GLRB: variants seen among roughly 807,000 people sequenced by gnomAD.
The protein encoded by GLRB is glycine receptor beta.
Under a neutral mutation model 54.2 loss-of-function variants are expected in GLRB, and 33 were observed. That is an observed-to-expected ratio of 0.61 (90% CI 0.46 to 0.81). The LOEUF is 0.81. GLRB is among the 40% of genes least tolerant of loss of function. GLRB has a pLI of 0.00. For missense variants in GLRB, 572 were observed against 584.6 expected, an observed-to-expected ratio of 0.98 and a Z score of 0.22; for synonymous variants, 209 against 208.2, an observed-to-expected ratio of 1.00 and a Z score of -0.03.
intron 7 of GLRB, among the ~76,000 whole-genome samples, chr4:157,141,197 AT>A (rs1560965653): frequency 6.6e-6 from 1 of 151,958 alleles, no homozygotes; most frequent in East Asian, 1.9e-4. Flanking sequence ...ATTCACTGAA[AT>A]CTCATTAGCT....
chr4:157,115,137 T>G (rs558929438), intron 2 of GLRB, among the ~76,000 whole-genome samples: 1 of 152,028 alleles, frequency 6.6e-6, no homozygotes, highest in African/African-American at 2.4e-5. Flanking sequence ...ATTTTTATTT[T>G]GTACTATAAT....
intron 2 of GLRB, among the ~76,000 whole-genome samples, chr4:157,103,830 T>A (rs1443136372): frequency 6.6e-6 from 1 of 152,162 alleles, no homozygotes; most frequent in African/African-American, 2.4e-5. Flanking sequence ...TTTCCTAACT[T>A]CCTTTTCAGA....
intron 2 of GLRB, among the ~76,000 whole-genome samples, chr4:157,092,838 C>T (rs1734667741): frequency 6.6e-6 from 1 of 152,196 alleles, no homozygotes; most frequent in African/African-American, 2.4e-5. Context: ...TTGAAGCTAA[C>T]TCTTTAGTTG....
At chr4:157,079,736 A>G (rs1029914076) in intron 2 of GLRB, among the ~76,000 whole-genome samples, 3 of 152,174 alleles carry the variant, frequency 2.0e-5, no homozygotes, top group African/African-American at 4.8e-5. Flanking sequence ...TTTTTGTGCC[A>G]CAAGCTGGAG....
At position 157,162,028 on chromosome 4, in the gene GLRB, T is replaced by G. The variant is rs538914532; in HGVS notation, c.1198-8404T>G. Among the ~76,000 whole-genome samples, 6 of 152,330 alleles carry G rather than the reference T, an allele frequency of 3.9e-5. No individual in the cohort carries two copies. In the East Asian group the frequency reaches 1.2e-3, roughly 29 times the overall value. ...CATATTTCTTGGAGGCTTTGTTCAT[T>G]TGTTTTTACTCTTTTTTATCTAAAC... On this transcript the variant is annotated intron_variant, in intron 9 of 9. Coordinates refer to ENST00000264428, the MANE Select transcript of GLRB (RefSeq NM_000824.5).
At chr4:157,170,156 G>A (rs1016641474) in intron 9 of GLRB, among the ~76,000 whole-genome samples, 1 of 152,024 alleles carries the variant, frequency 6.6e-6, no homozygotes, top group Non-Finnish European at 1.5e-5. Context: ...AAGCCTGGTA[G>A]CACCTAAAAT....
chr4:157,079,588 T>C (rs1734154089), intron 2 of GLRB, among the ~76,000 whole-genome samples: 1 of 152,158 alleles, frequency 6.6e-6, no homozygotes, highest in African/African-American at 2.4e-5. Flanking sequence ...AATTTCTGGG[T>C]ATATGACACA....
intron 9 of GLRB, among the ~76,000 whole-genome samples, chr4:157,160,248 TG>T (rs1478053270): frequency 2.0e-5 from 3 of 148,692 alleles, no homozygotes; most frequent in Non-Finnish European, 2.9e-5. Context: ...GTCTTGCTAG[TG>T]GTCTATCGAT....
At chr4:157,117,891 T>A (rs1225164876) in intron 2 of GLRB, among the ~76,000 whole-genome samples, 3 of 151,694 alleles carry the variant, frequency 2.0e-5, no homozygotes, top group African/African-American at 7.3e-5. Flanking sequence ...AGCTACAAAA[T>A]CATTGCCAAA....
At chr4:157,146,309 C>A (rs938551250) in intron 8 of GLRB, among the ~76,000 whole-genome samples, 1 of 152,008 alleles carries the variant, frequency 6.6e-6, no homozygotes, top group Non-Finnish European at 1.5e-5. Flanking sequence ...GCCACTGCAC[C>A]GGGCCGATTT....
rs1735779569 is a variant in GLRB, at chr4:157,120,596, T to A, written c.163T>A (p.Ser55Thr). ...GGACCTTGCCCGAGTACCTGCCAACTCCACTAGCAATATCTTGAACAGGTT... is the reference window on the plus strand; with the variant it reads ...GGACCTTGCCCGAGTACCTGCCAACACCACTAGCAATATCTTGAACAGGTT... ...AEDLARVPAN[S>T]TSNILNRLLV... Residue 55 changes from serine (S) to threonine (T), a missense_variant, in exon 3 of 10, where the codon TCC (serine) becomes ACC (threonine). Transcript: ENST00000264428. 1 of 1,601,950 alleles carries A rather than the reference T, an allele frequency of 6.2e-7. No individual in the cohort carries two copies. Among genetic ancestry groups the A allele is most frequent in the African/African-American group, 1.3e-5 (1 of 74,342 alleles).
At chr4:157,112,564 T>A (rs920039401) in intron 2 of GLRB, among the ~76,000 whole-genome samples, 1 of 151,878 alleles carries the variant, frequency 6.6e-6, no homozygotes, top group Non-Finnish European at 1.5e-5. Context: ...AAAATTTGCA[T>A]GAAAAAAGGG....
At position 157,170,306 on chromosome 4, in the gene GLRB, G is replaced by C. The variant is rs978708697; in HGVS notation, c.1198-126G>C. 4.5e-5 allele frequency: 29 copies of C among 649,310 alleles called. No individual in the cohort carries two copies. In the East Asian group the frequency reaches 7.8e-4, roughly 18 times the overall value. 40.2% of individuals were successfully genotyped at this position (649,310 alleles called of 1,614,324 possible). ...GTTTAATCAGATAACCATTCTCTCT[G>C]TTAGTTCTTTGTGACATAAGCAAAT... is the stretch of plus-strand genomic sequence containing the variant. On this transcript the variant is annotated intron_variant, in intron 9 of 9. Coordinates refer to ENST00000264428, the MANE Select transcript of GLRB (RefSeq NM_000824.5).
chr4:157,082,790 G>T (rs988087434), intron 2 of GLRB, among the ~76,000 whole-genome samples: 1 of 152,008 alleles, frequency 6.6e-6, no homozygotes, highest in Non-Finnish European at 1.5e-5. Flanking sequence ...GACAGAATTA[G>T]GATCCGATCT....
At chr4:157,122,853 A>G (rs146553546) in intron 4 of GLRB, among the ~76,000 whole-genome samples, 179 of 151,830 alleles carry the variant, frequency 1.2e-3, no homozygotes, top group African/African-American at 4.0e-3. Context: ...TAAGAAGCAA[A>G]TAAGAAAATT....
At chr4:157,086,704 T>G (rs1734426078) in intron 2 of GLRB, among the ~76,000 whole-genome samples, 1 of 152,178 alleles carries the variant, frequency 6.6e-6, no homozygotes, top group Admixed American at 6.5e-5. Context: ...TAAGTTCAAT[T>G]AAAGGAAAAT....
chr4:157,157,751 T>C (rs1178870653), intron 9 of GLRB, among the ~76,000 whole-genome samples: 1 of 152,216 alleles, frequency 6.6e-6, no homozygotes, highest in African/African-American at 2.4e-5. Context: ...GATGGACATA[T>C]GGGTTGGTTC....
At chr4:157,119,432 T>A (rs2126527145) in intron 2 of GLRB, among the ~76,000 whole-genome samples, 1 of 151,706 alleles carries the variant, frequency 6.6e-6, no homozygotes, top group African/African-American at 2.4e-5. Context: ...GTTCAAAAAA[T>A]GTTCTTTGTT....
At chr4:157,081,679 C>T (rs997218509) in intron 2 of GLRB, among the ~76,000 whole-genome samples, 1 of 152,188 alleles carries the variant, frequency 6.6e-6, no homozygotes, top group Non-Finnish European at 1.5e-5. Flanking sequence ...CCATGTGGGA[C>T]ATTGCCTTAG....
Sources: allele counts gnomAD v4.1 joint callset (sites outside exome capture counted in the v4.1 genomes callset), GRCh38; gene constraint gnomAD v4.1.1; transcripts MANE v1.5; gene names NCBI Gene and HGNC (gene_info 2026-07-23, HGNC 2026-07-21).